GNAO1: variants seen among roughly 807,000 people sequenced by gnomAD.
GNAO1 encodes guanine nucleotide-binding protein G(o) subunit alpha.
For missense variants in GNAO1, 166 were observed against 478.7 expected (o/e 0.35, Z 6.10); for synonymous variants, 164 against 180.7 (o/e 0.91, Z 0.74).
intron 2 of GNAO1, among the ~76,000 whole-genome samples, chr16:56,222,600 A>G (rs1346506471): frequency 6.6e-6 from 1 of 152,180 alleles, no homozygotes; most frequent in East Asian, 1.9e-4. Context: ...CCCCTCAAGC[A>G]TGCTCACTAG....
intron 2 of GNAO1, among the ~76,000 whole-genome samples, chr16:56,222,686 G>A (rs2036501612): frequency 6.6e-6 from 1 of 152,148 alleles, no homozygotes; most frequent in Admixed American, 6.5e-5. Flanking sequence ...CTCCATCGTA[G>A]GTGTGTGTGA....
At chr16:56,306,277 T>C (rs1472954030) in intron 3 of GNAO1, among the ~76,000 whole-genome samples, 3 of 152,192 alleles carry the variant, frequency 2.0e-5, no homozygotes, top group Non-Finnish European at 4.4e-5. Context: ...CAGAACAACC[T>C]GGAATCTTCA....
chr16:56,276,244 C>T, intron 3 of GNAO1, 172 bp downstream of exon 3: 1 of 513,012 alleles, frequency 1.9e-6, no homozygotes. Flanking sequence ...ACCCCTCTGG[C>T]AAACTCCCAG....
At chr16:56,355,307 G>A (rs535062681) in intron 8 of GNAO1, 2 of 158,872 alleles carry the variant, frequency 1.3e-5, no homozygotes, top group South Asian at 2.0e-4. Context: ...CATAGCTCAT[G>A]GAGGTTTTCC....
chr16:56,221,849 T>C (rs1379036187), intron 2 of GNAO1, among the ~76,000 whole-genome samples: 3 of 152,056 alleles, frequency 2.0e-5, no homozygotes, highest in Non-Finnish European at 4.4e-5. Flanking sequence ...CAATGTCCTG[T>C]GGTCTTTGAT....
At chr16:56,299,285 A>G (rs1380451665) in intron 3 of GNAO1, among the ~76,000 whole-genome samples, 2 of 152,230 alleles carry the variant, frequency 1.3e-5, no homozygotes, top group Non-Finnish European at 2.9e-5. Flanking sequence ...CCAACCCTGG[A>G]GAGAGAAGGC....
intron 2 of GNAO1, among the ~76,000 whole-genome samples, chr16:56,218,039 A>G (rs1450403677): frequency 6.6e-6 from 1 of 152,194 alleles, no homozygotes; most frequent in African/African-American, 2.4e-5. Context: ...TCTGAAATTC[A>G]TTTTGTTGGG....
chr16:56,349,711 G>A (rs921403135), intron 6 of GNAO1, among the ~76,000 whole-genome samples: 3 of 152,176 alleles, frequency 2.0e-5, no homozygotes, highest in Admixed American at 6.5e-5. Flanking sequence ...GGGGAATAAC[G>A]CCATGCCAGC....
chr16:56,235,335 C>A, intron 2 of GNAO1: 1 of 456,012 alleles, frequency 2.2e-6, no homozygotes, highest in Non-Finnish European at 4.4e-6. Context: ...AGCATGTAGC[C>A]CAGCCCATCA....
chr16:56,344,000 C>T (rs377000660), intron 6 of GNAO1: 17 of 1,598,438 alleles, frequency 1.1e-5, no homozygotes, highest in Admixed American at 1.7e-5. Context: ...TGCCGCCCCC[C>T]CTCCCCTGGA....
intron 2 of GNAO1, among the ~76,000 whole-genome samples, chr16:56,225,239 GT>G (rs1175961633): frequency 2.0e-5 from 3 of 152,224 alleles, no homozygotes; most frequent in African/African-American, 7.2e-5. Context: ...ATCTGGATTG[GT>G]TTTCCTAGGC....
intron 2 of GNAO1, among the ~76,000 whole-genome samples, chr16:56,196,009 T>C (rs1477191468): frequency 6.6e-6 from 1 of 152,150 alleles, no homozygotes; most frequent in Non-Finnish European, 1.5e-5. Context: ...ATAAAGTTCT[T>C]CTGCTTGATA....
Position 56,351,683 on chromosome 16 carries a change from CAG to C in GNAO1, c.877+147_877+148del. The C allele has an allele frequency of 1.6e-6, 1 of 644,446 alleles. No individual in the cohort carries two copies. Among genetic ancestry groups the C allele is most frequent in the South Asian group, 1.9e-5 (1 of 52,968 alleles). The allele number at this position is 644,446 out of a possible 1,614,324, so 39.9% of individuals were successfully genotyped here. A position where few individuals can be genotyped will look rare whatever the true frequency, so the allele number is the denominator to read the frequency against. On this transcript the variant is annotated intron_variant, in intron 7 of 8. Coordinates refer to ENST00000262493, the MANE Select transcript of GNAO1 (RefSeq NM_020988.3). This position sits in a 1 kb window ranked among gnomAD's most constrained non-coding sequence, Gnocchi z 6.1. ...AGACTGGTGGGGCGCAAAAGAAAAA[CAG>C]TGCTGTGCCACCAGGTTTGGGCTTC...
intron 3 of GNAO1, chr16:56,307,727 CTGGTGGAGACACCA>C (rs1425598490): frequency 2.0e-5 from 3 of 152,372 alleles, no homozygotes; most frequent in South Asian, 2.1e-4. Flanking sequence ...TTGACATTTC[CTGGTGGAGACACCA>C]TGGTGTCTGT....
rs574862372 is a variant in GNAO1, at chr16:56,268,411, C to T, written c.162-7520C>T. ...GGACCAGGCCTCATAGGCTTTAAGT[C>T]GGAAGAGACCTTCCAGCAGGCTGAA... On this transcript the variant is annotated intron_variant, in intron 2 of 8. Transcript: ENST00000262493. Among the ~76,000 whole-genome samples, 4 of 152,332 alleles carry T rather than the reference C, an allele frequency of 2.6e-5. No individual in the cohort carries two copies. The East Asian group carries it at 5.8e-4, about 22-fold the overall frequency.
chr16:56,248,788 G>A (rs1438838886), intron 2 of GNAO1, among the ~76,000 whole-genome samples: 1 of 152,230 alleles, frequency 6.6e-6, no homozygotes, highest in African/African-American at 2.4e-5. Flanking sequence ...GGGAGGGATA[G>A]GTTGGGGAAA....
chr16:56,332,055 A>G (rs1220935792), intron 4 of GNAO1, among the ~76,000 whole-genome samples: 1 of 151,080 alleles, frequency 6.6e-6, no homozygotes, highest in Non-Finnish European at 1.5e-5. Context: ...GACCACTCAC[A>G]CCCTCCACAG....
At chr16:56,315,888 A>G (rs1186649770) in intron 3 of GNAO1, among the ~76,000 whole-genome samples, 2 of 151,968 alleles carry the variant, frequency 1.3e-5, no homozygotes, top group Admixed American at 6.6e-5. Flanking sequence ...GAGAAACCCC[A>G]TCTCTACTAA....
intron 2 of GNAO1, among the ~76,000 whole-genome samples, chr16:56,239,207 G>A (rs1596815143): frequency 6.6e-6 from 1 of 152,298 alleles, no homozygotes; most frequent in African/African-American, 2.4e-5. Context: ...GTGATTATGA[G>A]TGCCCAGTTC....
Sources: allele counts gnomAD v4.1 joint callset (sites outside exome capture counted in the v4.1 genomes callset), GRCh38; gene constraint gnomAD v4.1.1; non-coding constraint Gnocchi (gnomAD v3.1); transcripts MANE v1.5; gene names NCBI Gene and HGNC (gene_info 2026-07-23, HGNC 2026-07-21).